The following ITFG1 variants were observed in gnomAD, a reference collection of about 807,000 sequenced individuals.
ITFG1 encodes the protein T-cell immunomodulatory protein.
ITFG1 carries 34 observed loss-of-function variants against 81.8 expected under a neutral mutation model. The observed-to-expected ratio is 0.42, with a 90% CI of 0.32 to 0.55. The LOEUF (loss-of-function observed/expected upper bound fraction) is 0.55, where lower values mean the gene tolerates loss of function less well. Ranked by LOEUF, ITFG1 falls within the 20% of genes least tolerant of loss-of-function variation. The probability of loss-of-function intolerance (pLI) is 0.17; values close to 1 mark genes in which losing one functional copy is unlikely to be tolerated. For missense variants in ITFG1, 672 were observed against 755.4 expected, an observed-to-expected ratio of 0.89 and a Z score of 1.29; for synonymous variants, 285 against 270.6, an observed-to-expected ratio of 1.05 and a Z score of -0.52.
chr16:47,353,284 C>T (rs139025856), intron 8 of ITFG1, among the ~76,000 whole-genome samples: 119 of 152,116 alleles, frequency 7.8e-4, no homozygotes, highest in African/African-American at 2.5e-3. Context: ...GTTCAATATA[C>T]ACAAATCAAT....
intron 10 of ITFG1, among the ~76,000 whole-genome samples, chr16:47,269,506 T>TA (rs1596850038): frequency 1.6e-5 from 2 of 125,266 alleles, no homozygotes; most frequent in Non-Finnish European, 3.4e-5. Context: ...AAAAAAAACT[T>TA]GAAAAAAAAA....
intron 7 of ITFG1, among the ~76,000 whole-genome samples, chr16:47,369,345 C>G (rs1278389531): frequency 2.0e-5 from 3 of 152,154 alleles, no homozygotes; most frequent in South Asian, 4.1e-4. Flanking sequence ...TTGGGACAGC[C>G]ATTCATCGTT....
intron 14 of ITFG1, 34 bp downstream of exon 14, chr16:47,218,834 T>G: frequency 7.4e-7 from 1 of 1,355,586 alleles, no homozygotes; most frequent in Non-Finnish European, 1.0e-6. Flanking sequence ...CTGAAGAAGC[T>G]TTTATACATT....
chr16:47,178,657 T>C (rs1207017201), intron 14 of ITFG1, among the ~76,000 whole-genome samples: 2 of 152,306 alleles, frequency 1.3e-5, no homozygotes, highest in African/African-American at 4.8e-5. Flanking sequence ...ATTCAGGACA[T>C]AGCTATGGGC....
At chr16:47,389,999 C>T (rs1047521404) in intron 6 of ITFG1, among the ~76,000 whole-genome samples, 7 of 152,058 alleles carry the variant, frequency 4.6e-5, no homozygotes, top group Non-Finnish European at 7.4e-5. Context: ...TCAGACTGGA[C>T]AAAAAATGCC....
At chr16:47,358,344 C>T (rs1968067378) in intron 8 of ITFG1, among the ~76,000 whole-genome samples, 1 of 152,082 alleles carries the variant, frequency 6.6e-6, no homozygotes, top group South Asian at 2.1e-4. Context: ...TATGAAAAAA[C>T]AAAAGGATAT....
At chr16:47,322,467 T>G (rs924355390) in intron 8 of ITFG1, among the ~76,000 whole-genome samples, 1 of 152,162 alleles carries the variant, frequency 6.6e-6, no homozygotes, top group African/African-American at 2.4e-5. Flanking sequence ...GGTGGGTGGA[T>G]CACCTGAGGT....
intron 8 of ITFG1, among the ~76,000 whole-genome samples, chr16:47,339,734 A>T (rs1198901165): frequency 6.6e-6 from 1 of 152,142 alleles, no homozygotes; most frequent in Non-Finnish European, 1.5e-5. Flanking sequence ...AAGGGACACT[A>T]TCAAGTGGAT....
chr16:47,328,101 G>A (rs1168974159), intron 8 of ITFG1, among the ~76,000 whole-genome samples: 1 of 152,162 alleles, frequency 6.6e-6, no homozygotes, highest in Non-Finnish European at 1.5e-5. Flanking sequence ...ATTGGATTAA[G>A]AAAATGTGGC....
chr16:47,359,171 A>G (rs539267110), intron 8 of ITFG1, among the ~76,000 whole-genome samples: 1 of 152,336 alleles, frequency 6.6e-6, no homozygotes, highest in East Asian at 1.9e-4. Flanking sequence ...AAACAAAGGC[A>G]GGATGCTTTG....
At chr16:47,379,740 G>A (rs901204563) in intron 6 of ITFG1, among the ~76,000 whole-genome samples, 2 of 151,598 alleles carry the variant, frequency 1.3e-5, no homozygotes, top group Admixed American at 6.6e-5. Flanking sequence ...CATGGGGCAG[G>A]CAATATGGGT....
intron 10 of ITFG1, among the ~76,000 whole-genome samples, chr16:47,291,551 C>T (rs1966905946): frequency 6.6e-6 from 1 of 152,188 alleles, no homozygotes; most frequent in South Asian, 2.1e-4. Flanking sequence ...TTTTCCTTCT[C>T]TTCACCTTCT....
intron 10 of ITFG1, among the ~76,000 whole-genome samples, chr16:47,265,723 G>A (rs1250425265): frequency 6.6e-6 from 1 of 151,912 alleles, no homozygotes; most frequent in Non-Finnish European, 1.5e-5. Context: ...TTTAGAAAGA[G>A]GACAAAAACC....
intron 6 of ITFG1, 65 bp downstream of exon 6, chr16:47,428,739 A>G (rs1219620829): frequency 2.2e-6 from 2 of 922,212 alleles, no homozygotes; most frequent in Non-Finnish European, 3.6e-6. Context: ...TACAAAGTGT[A>G]CAGTAAATAA....
chr16:47,223,592 T>C lies in ITFG1; in HGVS notation c.1375-4646A>G, dbSNP rs528793929. On this transcript the variant is annotated intron_variant, in intron 13 of 17. Coordinates refer to ENST00000320640, the MANE Select transcript of ITFG1 (RefSeq NM_030790.5). ...AGGTGCTGGAGAGGATGTGGAGAAA[T>C]AGGAACACTTTTACACTGTTGGTGG... Among the ~76,000 whole-genome samples the C allele has an allele frequency of 1.3e-4, 20 of 152,162 alleles. No homozygotes were observed. In the South Asian group the frequency reaches 3.9e-3, roughly 30 times the overall value.
chr16:47,417,075 T>G (rs1459196088), intron 6 of ITFG1, among the ~76,000 whole-genome samples: 1 of 152,212 alleles, frequency 6.6e-6, no homozygotes, highest in African/African-American at 2.4e-5. Context: ...TAAACTAAAT[T>G]GTTTTTGATG....
At chr16:47,305,521 G>C in intron 10 of ITFG1, among the ~76,000 whole-genome samples, 1 of 152,014 alleles carries the variant, frequency 6.6e-6, no homozygotes, top group East Asian at 1.9e-4. Flanking sequence ...AAACCTAAGA[G>C]AATGAAACAG....
intron 10 of ITFG1, among the ~76,000 whole-genome samples, chr16:47,296,041 G>A (rs1219385187): frequency 6.6e-6 from 1 of 151,968 alleles, no homozygotes; most frequent in African/African-American, 2.4e-5. Context: ...TGAGTCTACA[G>A]GCATGCATCA....
intron 10 of ITFG1, chr16:47,262,877 G>A (rs1014313316): frequency 6.5e-6 from 1 of 153,542 alleles, no homozygotes; most frequent in African/African-American, 2.4e-5. Context: ...ATGCTTCCTG[G>A]AATCACCACC....
Sources: gnomAD v4.1 joint callset for allele counts (sites outside exome capture counted in the v4.1 genomes callset) on GRCh38, gnomAD v4.1.1 for gene constraint, MANE v1.5 for transcripts, NCBI Gene and HGNC (gene_info 2026-07-23, HGNC 2026-07-21) for gene names.